The following DYRK1A variants were observed in gnomAD, a reference collection of about 807,000 sequenced individuals.
DYRK1A encodes the protein dual specificity tyrosine phosphorylation regulated kinase 1A.
Under a neutral mutation model 79.7 loss-of-function variants are expected in DYRK1A, and 9 were observed. The ratio of observed to expected loss-of-function variants is 0.11; its 90% CI spans 0.07 to 0.20. DYRK1A has a LOEUF of 0.20. DYRK1A is among the 10% of genes least tolerant of loss of function. DYRK1A has a pLI of 1.00. For synonymous variants in DYRK1A, 349 were observed against 329.7 expected, an observed-to-expected ratio of 1.06 and a Z score of -0.63; for missense variants, 622 against 956.0, an observed-to-expected ratio of 0.65 and a Z score of 4.61.
At chr21:37,399,030 A>G (rs988535907) in intron 1 of DYRK1A, among the ~76,000 whole-genome samples, 1 of 151,958 alleles carries the variant, frequency 6.6e-6, no homozygotes, top group Non-Finnish European at 1.5e-5. Context: ...ACTTGCATAG[A>G]TGAAGGATGT....
At chr21:37,386,199 T>C (rs145469939) in intron 1 of DYRK1A, among the ~76,000 whole-genome samples, 1 of 152,300 alleles carries the variant, frequency 6.6e-6, no homozygotes, top group African/African-American at 2.4e-5. Context: ...TGGTGAGTTG[T>C]ATAATTATTT....
In DYRK1A at chr21:37,520,930, A is replaced by G. The variant is rs2053930621; in HGVS notation, c.*8399A>G. Reference sequence around the variant, plus strand: ...GTGGTTTGCTCTTCACAGAGCGCTTACATGGGATTCTTACCTTCTGACTGG... The same window carrying G: ...GTGGTTTGCTCTTCACAGAGCGCTTGCATGGGATTCTTACCTTCTGACTGG... On this transcript the variant is annotated 3_prime_UTR_variant, in exon 12 of 12. Coordinates refer to ENST00000647188, the MANE Select transcript of DYRK1A (RefSeq NM_001347721.2). 1 of 152,300 alleles carries G rather than the reference A, an allele frequency of 6.6e-6. No homozygotes were observed. The highest frequency in any genetic ancestry group is 1.5e-5 in the Non-Finnish European group (1 of 68,092). The allele number at this position is 152,300 out of a possible 1,614,324, so 9.4% of individuals were successfully genotyped here.
chr21:37,404,420 A>T (rs1464728507), intron 1 of DYRK1A, among the ~76,000 whole-genome samples: 1 of 152,196 alleles, frequency 6.6e-6, no homozygotes, highest in East Asian at 1.9e-4. Flanking sequence ...CTAAGTAATC[A>T]TTCTGTGGCT....
At chr21:37,394,779 C>T (rs1400810638) in intron 1 of DYRK1A, among the ~76,000 whole-genome samples, 1 of 152,140 alleles carries the variant, frequency 6.6e-6, no homozygotes, top group Non-Finnish European at 1.5e-5. Flanking sequence ...AAAGTAGTCC[C>T]TGGTGCCAAA....
At chr21:37,372,293 AC>A (rs199823425) in intron 1 of DYRK1A, among the ~76,000 whole-genome samples, 11 of 98,034 alleles carry the variant, frequency 1.1e-4, no homozygotes, top group African/African-American at 2.9e-4. Flanking sequence ...ACAAAACAAA[AC>A]AAAAAAAAAA....
intron 2 of DYRK1A, among the ~76,000 whole-genome samples, chr21:37,455,370 T>C (rs138124164): frequency 6.6e-6 from 1 of 152,344 alleles, no homozygotes; most frequent in East Asian, 1.9e-4. Flanking sequence ...AAATGTCATA[T>C]GTTTAATAAG....
intron 1 of DYRK1A, among the ~76,000 whole-genome samples, chr21:37,394,116 C>G (rs1210399692): frequency 7.2e-5 from 11 of 151,910 alleles, no homozygotes; most frequent in Non-Finnish European, 1.6e-4. Context: ...AAGTCTCTTT[C>G]TGAAAGGGAA....
At chr21:37,429,541 C>G (rs1458587403) in intron 2 of DYRK1A, among the ~76,000 whole-genome samples, 2 of 152,174 alleles carry the variant, frequency 1.3e-5, no homozygotes, top group Admixed American at 1.3e-4. Context: ...GAGTGCTACA[C>G]ACTTCTAGAC....
upstream of DYRK1A, among the ~76,000 whole-genome samples, chr21:37,366,629 A>T (rs970875530): frequency 6.6e-6 from 1 of 151,076 alleles, no homozygotes; most frequent in African/African-American, 2.4e-5. Context: ...TTGGCTGGGG[A>T]CAGAGGGGGA....
At chr21:37,434,248 T>A (rs1034174418) in intron 2 of DYRK1A, among the ~76,000 whole-genome samples, 4 of 152,184 alleles carry the variant, frequency 2.6e-5, no homozygotes, top group African/African-American at 9.7e-5. Context: ...TTATAGACAC[T>A]CTATGGAAAA....
intron 7 of DYRK1A, among the ~76,000 whole-genome samples, chr21:37,491,910 A>C (rs969941473): frequency 6.6e-6 from 1 of 152,222 alleles, no homozygotes; most frequent in Non-Finnish European, 1.5e-5. Context: ...TCACATGGGA[A>C]GTTATTTCTA....
At chr21:37,465,343 C>T (rs1366248426) in intron 2 of DYRK1A, among the ~76,000 whole-genome samples, 1 of 152,114 alleles carries the variant, frequency 6.6e-6, no homozygotes, top group Non-Finnish European at 1.5e-5. Flanking sequence ...GTGTATTATT[C>T]TCCCTAAAAA....
intron 2 of DYRK1A, among the ~76,000 whole-genome samples, chr21:37,454,382 C>T (rs1237404459): frequency 1.3e-5 from 2 of 152,058 alleles, no homozygotes; most frequent in South Asian, 2.1e-4. Flanking sequence ...TGTAAGCCAC[C>T]GTACCTGATC....
At position 37,512,058 on chromosome 21, in the gene DYRK1A, C is replaced by T. The variant is rs2053766378; in HGVS notation, c.1792C>T (p.His598Tyr). Residue 598 changes from histidine (H) to tyrosine (Y), a missense_variant, in exon 12 of 12, where the codon CAT (histidine) becomes TAT (tyrosine). This residue lies in a region of DYRK1A where 292 missense variants were observed against 316.7 expected (regional missense o/e 0.92). Transcript: ENST00000647188. Reference sequence around the variant, plus strand: ...GCATCATCACCATGGTAACAGTTCCCATCACCATCACCACCACCACCACCA... The same window carrying T: ...GCATCATCACCATGGTAACAGTTCCTATCACCATCACCACCACCACCACCA... ...ALHHHHGNSS[H>Y]HHHHHHHHHH... 6.2e-7 allele frequency: 1 copy of T among 1,613,952 alleles called. No individual in the cohort carries two copies. The highest frequency in any genetic ancestry group is 1.3e-5 in the African/African-American group (1 of 74,878).
chr21:37,396,745 TATC>T (rs1037235200), intron 1 of DYRK1A, among the ~76,000 whole-genome samples: 5 of 152,188 alleles, frequency 3.3e-5, no homozygotes, highest in African/African-American at 9.7e-5. Flanking sequence ...TGCAGAATTT[TATC>T]ATCAAGTATG....
intron 1 of DYRK1A, among the ~76,000 whole-genome samples, chr21:37,372,099 A>G (rs1458509199): frequency 2.0e-5 from 3 of 151,972 alleles, no homozygotes; most frequent in African/African-American, 7.3e-5. Flanking sequence ...GTAAAATGTT[A>G]TGGACATGTA....
intron 11 of DYRK1A, among the ~76,000 whole-genome samples, chr21:37,508,814 C>T (rs562395524): frequency 5.9e-5 from 9 of 152,270 alleles, no homozygotes; most frequent in African/African-American, 2.2e-4. Context: ...ACACTCTTTT[C>T]CTCCTCCTTT....
chr21:37,470,912 G>T (rs1301344406), intron 2 of DYRK1A, among the ~76,000 whole-genome samples: 2 of 152,126 alleles, frequency 1.3e-5, no homozygotes, highest in Admixed American at 6.6e-5. Flanking sequence ...AGAAAAGTTG[G>T]CCATCTTTCA....
intron 1 of DYRK1A, among the ~76,000 whole-genome samples, chr21:37,374,796 G>A (rs1168852284): frequency 2.6e-5 from 4 of 152,066 alleles, no homozygotes; most frequent in Non-Finnish European, 4.4e-5. Context: ...CTCGTGATCC[G>A]CCTGCCTTGG....
Sources: gnomAD v4.1 joint callset for allele counts (sites outside exome capture counted in the v4.1 genomes callset) on GRCh38, gnomAD v4.1.1 for gene constraint, gnomAD v4.1.1 regional missense constraint, MANE v1.5 for transcripts, NCBI Gene and HGNC (gene_info 2026-07-23, HGNC 2026-07-21) for gene names.